Variants in KATNIP observed in about 807,000 individuals in gnomAD.
The protein encoded by KATNIP is katanin interacting protein.
In KATNIP, 126 loss-of-function variants were observed where a neutral mutation model predicts 174.0. The observed-to-expected ratio is 0.72, with a 90% CI of 0.63 to 0.84. KATNIP has a LOEUF of 0.84. KATNIP is among the 40% of genes least tolerant of loss of function. The probability of loss-of-function intolerance (pLI) is 0.00; values close to 1 mark genes in which losing one functional copy is unlikely to be tolerated. For synonymous variants in KATNIP, 810 were observed against 835.7 expected, an observed-to-expected ratio of 0.97 and a Z score of 0.53; for missense variants, 1,958 against 2,109.7, an observed-to-expected ratio of 0.93 and a Z score of 1.41.
intron 14 of KATNIP, among the ~76,000 whole-genome samples, chr16:27,728,860 A>G (rs888216624): frequency 3.3e-5 from 5 of 152,224 alleles, no homozygotes; most frequent in South Asian, 2.1e-4. Flanking sequence ...TGCTGTGCAG[A>G]GCAAGTGGGC....
chr16:27,589,536 G>C (rs1385195744), intron 2 of KATNIP, among the ~76,000 whole-genome samples: 1 of 152,166 alleles, frequency 6.6e-6, no homozygotes, highest in African/African-American at 2.4e-5. Context: ...TATGTGGTGG[G>C]AAATCTGGAA....
At chr16:27,656,934 T>TA (rs577750573) in intron 6 of KATNIP, among the ~76,000 whole-genome samples, 282 of 124,984 alleles carry the variant, frequency 2.3e-3, no homozygotes, top group African/African-American at 6.4e-3. Flanking sequence ...ACTTAAAGTA[T>TA]AAAAAAAAAA....
chr16:27,551,925 A>G (rs1363734839), intron 1 of KATNIP, among the ~76,000 whole-genome samples: 2 of 151,728 alleles, frequency 1.3e-5, no homozygotes, highest in Admixed American at 1.3e-4. Context: ...ATAATTGGCC[A>G]TGTGCAGTGC....
chr16:27,663,389 A>G (rs1285439960), intron 6 of KATNIP, among the ~76,000 whole-genome samples: 3 of 151,346 alleles, frequency 2.0e-5, no homozygotes, highest in Non-Finnish European at 4.4e-5. Context: ...ATTTTACCAT[A>G]TAGTACTATG....
intron 8 of KATNIP, among the ~76,000 whole-genome samples, chr16:27,687,963 A>G (rs1022032678): frequency 2.0e-5 from 3 of 152,216 alleles, no homozygotes; most frequent in Admixed American, 1.3e-4. Context: ...AACAAAGGAG[A>G]ATGTCTTGCT....
At chr16:27,599,256 C>G (rs936804260) in intron 2 of KATNIP, among the ~76,000 whole-genome samples, 1 of 152,206 alleles carries the variant, frequency 6.6e-6, no homozygotes, top group African/African-American at 2.4e-5. Flanking sequence ...CCCTAAACTC[C>G]GAACCCGTAC....
intron 8 of KATNIP, among the ~76,000 whole-genome samples, chr16:27,697,615 AATT>A (rs2078959819): frequency 1.3e-5 from 2 of 150,146 alleles, no homozygotes; most frequent in Non-Finnish European, 3.0e-5. Flanking sequence ...ATTATACAAA[AATT>A]ATATATACAG....
chr16:27,648,807 G>A (rs1349952719), intron 6 of KATNIP, 72 bp downstream of exon 6: 15 of 1,529,132 alleles, frequency 9.8e-6, no homozygotes, highest in Middle Eastern at 2.2e-4. Context: ...GTGGCCCCTC[G>A]GGGCACTTTC....
At chr16:27,648,387 G>C (rs2142332975) in intron 5 of KATNIP, among the ~76,000 whole-genome samples, 1 of 152,138 alleles carries the variant, frequency 6.6e-6, no homozygotes, top group South Asian at 2.1e-4. Context: ...GTAGACTCTT[G>C]AGCGAGGCGG....
At chr16:27,694,455 C>A (rs564535538) in intron 8 of KATNIP, among the ~76,000 whole-genome samples, 1 of 152,074 alleles carries the variant, frequency 6.6e-6, no homozygotes, top group African/African-American at 2.4e-5. Context: ...ACATTAATAC[C>A]AATCTTTGAT....
At chr16:27,561,412 C>T (rs374267886) in intron 1 of KATNIP, among the ~76,000 whole-genome samples, 2 of 152,096 alleles carry the variant, frequency 1.3e-5, no homozygotes, top group African/African-American at 4.8e-5. Context: ...TCCTGTTCCC[C>T]GCAGCTGCTT....
chr16:27,621,386 C>T (rs1013514099), intron 3 of KATNIP, among the ~76,000 whole-genome samples: 1 of 152,100 alleles, frequency 6.6e-6, no homozygotes, highest in African/African-American at 2.4e-5. Flanking sequence ...ATTTTCTATA[C>T]CCTCGTTTTC....
At chr16:27,605,220 A>T (rs2075662548) in intron 2 of KATNIP, among the ~76,000 whole-genome samples, 1 of 152,214 alleles carries the variant, frequency 6.6e-6, no homozygotes, top group Non-Finnish European at 1.5e-5. Flanking sequence ...GGCGTGGGCC[A>T]CCACACCCGA....
chr16:27,767,336 G>A (rs1378094975), intron 20 of KATNIP, among the ~76,000 whole-genome samples: 1 of 152,206 alleles, frequency 6.6e-6, no homozygotes, highest in Non-Finnish European at 1.5e-5. Flanking sequence ...CCAGGTAACA[G>A]TTGACAAAGC....
intron 2 of KATNIP, among the ~76,000 whole-genome samples, chr16:27,590,559 G>A (rs2075131122): frequency 6.6e-6 from 1 of 152,154 alleles, no homozygotes; most frequent in Admixed American, 6.6e-5. Flanking sequence ...GTAATACTTG[G>A]TCTTGTGAGC....
Position 27,637,891 on chromosome 16 carries a change from C to CA in KATNIP, c.408+6730dup, listed in dbSNP as rs2076681415. Among the ~76,000 whole-genome samples the CA allele has an allele frequency of 6.6e-6, 1 of 152,194 alleles. No individual in the cohort carries two copies. Among genetic ancestry groups the CA allele is most frequent in the Admixed American group, 6.5e-5 (1 of 15,282 alleles). On this transcript the variant is annotated intron_variant, in intron 5 of 27. Transcript: ENST00000261588. This position sits in a 1 kb window ranked among gnomAD's most constrained non-coding sequence, Gnocchi z 4.7. ...GACCGCCCATGGGAGCAAGGGGCTA[C>CA]AGGAGGACCAGGAAGCCTTTGAAGC... is the stretch of plus-strand genomic sequence containing the variant.
chr16:27,654,884 C>T (rs965382826), intron 6 of KATNIP: 1 of 528,240 alleles, frequency 1.9e-6, no homozygotes, highest in African/African-American at 2.0e-5. Flanking sequence ...AATCCCAGCA[C>T]TTTGGGAGGC....
In KATNIP at chr16:27,709,063, A is replaced by G. The variant is rs533779263; in HGVS notation, c.1605+143A>G. The G allele has an allele frequency of 1.4e-4, 90 of 631,350 alleles. 2 individuals are homozygous for G. The South Asian group carries it at 1.8e-3, about 13-fold the overall frequency. The allele number at this position is 631,350 out of a possible 1,614,324, so 39.1% of individuals were successfully genotyped here. ...GCCAGGTACAGAGGCTCACACCTGT[A>G]ATCCCAGCACTTTGGGAGGCTGAGG... On this transcript the variant is annotated intron_variant, in intron 13 of 27. Transcript: ENST00000261588.
rs920595878 is a variant in KATNIP at position 27,666,412 on chromosome 16, G to T, written c.541-11317G>T. Among the ~76,000 whole-genome samples, 13 of 151,814 alleles carry T rather than the reference G, an allele frequency of 8.6e-5. No individual in the cohort carries two copies. In the East Asian group the frequency reaches 2.5e-3, roughly 29 times the overall value. Reference sequence around the variant, plus strand: ...ATGAGTTTTTGTTTTGTTTTGTTTTGTTTTGTTTTGTTTTGTTTTGTTTTT... The same window carrying T: ...ATGAGTTTTTGTTTTGTTTTGTTTTTTTTTGTTTTGTTTTGTTTTGTTTTT... On this transcript the variant is annotated intron_variant, in intron 6 of 27. Coordinates refer to ENST00000261588, the MANE Select transcript of KATNIP (RefSeq NM_015202.5).
Sources: gnomAD v4.1 joint callset for allele counts (sites outside exome capture counted in the v4.1 genomes callset) on GRCh38, gnomAD v4.1.1 for gene constraint, Gnocchi (gnomAD v3.1) non-coding constraint, MANE v1.5 for transcripts, NCBI Gene and HGNC (gene_info 2026-07-23, HGNC 2026-07-21) for gene names.